SND1: variants seen among roughly 807,000 people sequenced by gnomAD.
SND1 encodes the protein staphylococcal nuclease and tudor domain containing 1, also known as staphylococcal nuclease domain-containing protein 1.
Under a neutral mutation model 121.7 loss-of-function variants are expected in SND1, and 38 were observed. That is an observed-to-expected ratio of 0.31 (90% CI 0.24 to 0.41). SND1 has a LOEUF of 0.41. SND1 is among the 10% of genes least tolerant of loss of function. The pLI is 1.00. For missense variants in SND1, 868 were observed against 1,184.6 expected, an observed-to-expected ratio of 0.73 and a Z score of 3.92; for synonymous variants, 401 against 447.4, an observed-to-expected ratio of 0.90 and a Z score of 1.31.
intron 11 of SND1, among the ~76,000 whole-genome samples, chr7:127,817,977 C>T (rs1798478944): frequency 6.6e-6 from 1 of 152,044 alleles, no homozygotes; most frequent in Non-Finnish European, 1.5e-5. Context: ...TAGATCTTTA[C>T]AGAAGGGGTG....
rs371222195 is a variant in SND1 at position 128,029,165 on chromosome 7, C to T, written c.1779+38109C>T. On this transcript the variant is annotated intron_variant, in intron 16 of 23. Transcript: ENST00000354725. The surrounding 1 kb of genome is among the most constrained non-coding windows in gnomAD (Gnocchi z 4.2). ...GCACACGGGTAGTCTGAATGAGCAC[C>T]GTGGTAGAGGTGGTATATGCCGGCT... The T allele has an allele frequency of 1.2e-6, 2 of 1,613,858 alleles. No homozygotes were observed. The highest frequency in any genetic ancestry group is 1.7e-6 in the Non-Finnish European group (2 of 1,180,006).
chr7:127,905,632 G>A (rs1005850775), intron 14 of SND1, among the ~76,000 whole-genome samples: 1 of 152,158 alleles, frequency 6.6e-6, no homozygotes, highest in Non-Finnish European at 1.5e-5. Context: ...AAAACTGGCC[G>A]AGGGGATAGT....
chr7:127,758,432 TA>T (rs1483422308), intron 10 of SND1, among the ~76,000 whole-genome samples: 9 of 152,220 alleles, frequency 5.9e-5, no homozygotes, highest in Non-Finnish European at 1.5e-5. Flanking sequence ...ACACATCCCC[TA>T]TCCTCAAGGA....
intron 17 of SND1, among the ~76,000 whole-genome samples, chr7:128,077,801 G>A (rs535552197): frequency 2.6e-4 from 40 of 152,342 alleles, no homozygotes; most frequent in Admixed American, 2.0e-3. Context: ...GTCAAGCTCA[G>A]GACCCCTGTT....
At chr7:127,875,001 G>A (rs1448844823) in intron 12 of SND1, among the ~76,000 whole-genome samples, 1 of 152,136 alleles carries the variant, frequency 6.6e-6, no homozygotes, top group Admixed American at 6.6e-5. Flanking sequence ...CTAAGAATCA[G>A]AAGGCTCTTA....
intron 1 of SND1, among the ~76,000 whole-genome samples, chr7:127,665,980 A>G (rs916940473): frequency 6.6e-6 from 1 of 152,130 alleles, no homozygotes; most frequent in Non-Finnish European, 1.5e-5. Flanking sequence ...TCCCGCCATG[A>G]TCTATTATTG....
At chr7:128,055,287 A>G (rs1584764605) in intron 16 of SND1, among the ~76,000 whole-genome samples, 1 of 152,230 alleles carries the variant, frequency 6.6e-6, no homozygotes, top group South Asian at 2.1e-4. Context: ...ATGGGTTCCC[A>G]TGTTCTTGTC....
At chr7:127,796,637 T>G (rs1289116168) in intron 10 of SND1, among the ~76,000 whole-genome samples, 1 of 152,216 alleles carries the variant, frequency 6.6e-6, no homozygotes, top group African/African-American at 2.4e-5. Flanking sequence ...TTGACATTTT[T>G]GCTCTTGTTA....
chr7:128,030,912 C>T (rs1792571650), intron 16 of SND1: 2 of 361,532 alleles, frequency 5.5e-6, no homozygotes, highest in South Asian at 6.8e-5. Context: ...CCGTCACCTA[C>T]CTCGGAAGGA....
intron 1 of SND1, among the ~76,000 whole-genome samples, chr7:127,670,078 C>T (rs1795489478): frequency 2.0e-5 from 3 of 151,882 alleles, no homozygotes; most frequent in East Asian, 1.9e-4. Flanking sequence ...GCAACCTCTG[C>T]GTCCTGGGTT....
chr7:128,037,612 A>G (rs1158634032), intron 16 of SND1, among the ~76,000 whole-genome samples: 1 of 152,134 alleles, frequency 6.6e-6, no homozygotes, highest in Non-Finnish European at 1.5e-5. Flanking sequence ...GCCATTTAAC[A>G]TGAAGGGGAA....
At chr7:127,691,950 T>C (rs1411901766) in intron 2 of SND1, among the ~76,000 whole-genome samples, 1 of 151,964 alleles carries the variant, frequency 6.6e-6, no homozygotes, top group Non-Finnish European at 1.5e-5. Flanking sequence ...GGCCCGGCCA[T>C]ATTTTGCTAT....
At chr7:127,953,200 G>GTA (rs1563068937) in intron 15 of SND1, among the ~76,000 whole-genome samples, 4 of 94,678 alleles carry the variant, frequency 4.2e-5, no homozygotes, top group African/African-American at 1.3e-4. Context: ...GTGTGTGTGT[G>GTA]TGTGTGTGTG....
rs1479931929 is a variant in SND1 at position 127,652,344 on chromosome 7, G to T, written c.-30G>T. On this transcript the variant is annotated 5_prime_UTR_variant, in exon 1 of 24. Coordinates refer to ENST00000354725, the MANE Select transcript of SND1 (RefSeq NM_014390.4). Reference sequence around the variant, plus strand: ...ATTGACACCTCCAGTCCGGCCAGCCGCTCCACTCGTTGCCTTTGCATCTCC... The same window carrying T: ...ATTGACACCTCCAGTCCGGCCAGCCTCTCCACTCGTTGCCTTTGCATCTCC... The T allele has an allele frequency of 1.3e-6, 2 of 1,560,430 alleles. No individual in the cohort carries two copies. Among genetic ancestry groups the T allele is most frequent in the Non-Finnish European group, 1.7e-6 (2 of 1,147,308 alleles).
At chr7:127,707,715 G>T in intron 9 of SND1, 68 bp downstream of exon 9, 1 of 1,346,868 alleles carries the variant, frequency 7.4e-7, no homozygotes. Flanking sequence ...ACAAGAATTT[G>T]AACAATTAGA....
At chr7:128,074,283 G>A (rs762267805) in intron 16 of SND1, among the ~76,000 whole-genome samples, 42 of 152,314 alleles carry the variant, frequency 2.8e-4, no homozygotes, top group Non-Finnish European at 5.0e-4. Flanking sequence ...GCTTTCTGCC[G>A]CAAGGAGGGG....
chr7:127,778,431 T>C (rs1351362819), intron 10 of SND1, among the ~76,000 whole-genome samples: 1 of 152,144 alleles, frequency 6.6e-6, no homozygotes, highest in Non-Finnish European at 1.5e-5. Context: ...TCTCCTGACC[T>C]TGTGATCTGC....
chr7:127,836,935 G>C (rs1798878735), intron 11 of SND1, among the ~76,000 whole-genome samples: 1 of 152,062 alleles, frequency 6.6e-6, no homozygotes, highest in Non-Finnish European at 1.5e-5. Context: ...CAGACTAAGG[G>C]ATTTTTCCCT....
chr7:128,091,901 G>A lies in SND1; in HGVS notation c.2667+20G>A, dbSNP rs979320420. 6 of 1,614,156 alleles carry A rather than the reference G, an allele frequency of 3.7e-6. No homozygotes were observed. The highest frequency in any genetic ancestry group is 1.3e-5 in the African/African-American group (1 of 75,048). ...GCCAGGGTGAGTTCTTACCTTGGGA[G>A]CCCCCAGAGGGTACCGAGTTGAGGG... On this transcript the variant is annotated intron_variant, in intron 23 of 23. Transcript: ENST00000354725.
Sources: allele counts gnomAD v4.1 joint callset (sites outside exome capture counted in the v4.1 genomes callset), GRCh38; gene constraint gnomAD v4.1.1; non-coding constraint Gnocchi (gnomAD v3.1); transcripts MANE v1.5; gene names NCBI Gene and HGNC (gene_info 2026-07-23, HGNC 2026-07-21).